Variants in DNAJC13 observed in about 807,000 individuals in gnomAD.
The protein encoded by DNAJC13 is dnaJ homolog subfamily C member 13.
Under a neutral mutation model 290.5 loss-of-function variants are expected in DNAJC13, and 75 were observed. The observed-to-expected ratio is 0.26, with a 90% CI of 0.21 to 0.31. DNAJC13 has a LOEUF of 0.31. Ranked by LOEUF, DNAJC13 falls within the 10% of genes least tolerant of loss-of-function variation. The pLI, the probability that DNAJC13 is intolerant of heterozygous loss-of-function variation, is 1.00. For synonymous variants in DNAJC13, 862 were observed against 892.0 expected (o/e 0.97, Z 0.60); for missense variants, 2,260 against 2,674.5 (o/e 0.85, Z 3.42).
intron 2 of DNAJC13, among the ~76,000 whole-genome samples, chr3:132,435,023 A>C (rs1939342700): frequency 6.6e-6 from 1 of 152,172 alleles, no homozygotes; most frequent in African/African-American, 2.4e-5. Context: ...ATTCTAGTGA[A>C]GTCTAACCTT....
intron 48 of DNAJC13, among the ~76,000 whole-genome samples, chr3:132,517,677 A>G (rs562502978): frequency 6.6e-6 from 1 of 152,054 alleles, no homozygotes; most frequent in Non-Finnish European, 1.5e-5. Context: ...CACTTTGGGT[A>G]AGGAGGAGGC....
At chr3:132,441,369 T>C (rs1251977945) in intron 2 of DNAJC13, among the ~76,000 whole-genome samples, 1 of 152,218 alleles carries the variant, frequency 6.6e-6, no homozygotes. Context: ...CATCAGCCAG[T>C]AGTGAACAAT....
chr3:132,472,369 T>C (rs1170153779), intron 20 of DNAJC13, among the ~76,000 whole-genome samples: 5 of 152,262 alleles, frequency 3.3e-5, no homozygotes, highest in Admixed American at 2.6e-4. Flanking sequence ...CATAGCTTTC[T>C]TTGAATTCTC....
chr3:132,533,452 T>A (rs1936490408), intron 55 of DNAJC13, among the ~76,000 whole-genome samples: 1 of 151,122 alleles, frequency 6.6e-6, no homozygotes, highest in African/African-American at 2.4e-5. Flanking sequence ...TCTCCTGCCT[T>A]AGCCTCACAA....
chr3:132,488,353 A>T lies in DNAJC13; in HGVS notation c.3323A>T (p.His1108Leu). The change falls in exon 30 of 56, where the codon CAT becomes CTT. Residue 1108 changes from histidine to leucine, a missense_variant. This residue lies in a region of DNAJC13 where 1,494 missense variants were observed against 1,693.7 expected (regional missense o/e 0.88). Transcript: ENST00000260818. ...LVEKVAILLY[H>L]IMQDNPQLPR... ...GAGAAGGTTGCTATTTTGTTATACC[A>T]TATCATGCAAGATAACCCACAGTTA... 1 of 1,613,658 alleles carries T rather than the reference A, an allele frequency of 6.2e-7. No homozygotes were observed. The highest frequency in any genetic ancestry group is 8.5e-7 in the Non-Finnish European group (1 of 1,179,784).
At position 132,451,208 on chromosome 3, in the gene DNAJC13, TC is replaced by T. The variant is rs1409813976; in HGVS notation, c.537+364del. On this transcript the variant is annotated intron_variant, in intron 6 of 55. Transcript: ENST00000260818. Reference sequence around the variant, plus strand: ...CTGGCATGGCAGCTCACACCTATAATCCCAGCACTTAGGGAGGCAGAGTTAG... The same window carrying T: ...CTGGCATGGCAGCTCACACCTATAATCCAGCACTTAGGGAGGCAGAGTTAG... Among the ~76,000 whole-genome samples the T allele has an allele frequency of 6.6e-5, 10 of 152,126 alleles. No individual in the cohort carries two copies. The South Asian group carries it at 1.9e-3, about 28-fold the overall frequency.
rs777994688 is a variant in DNAJC13, at chr3:132,466,307, C to T, written c.1977C>T (p.Gly659=). 2 of 1,587,202 alleles carry T rather than the reference C, an allele frequency of 1.3e-6. No homozygotes were observed. The highest frequency in any genetic ancestry group is 2.3e-5 in the South Asian group (2 of 85,850). ...TNLLKRILPP[G]LLAYLESSDL... is the part of the protein sequence containing the mutation. ...GGATTTTGTGTTTTTAGCCGCCAGGCTTGCTGGCATACTTGGAAAGCTCAG... is the reference window on the plus strand; with the variant it reads ...GGATTTTGTGTTTTTAGCCGCCAGGTTTGCTGGCATACTTGGAAAGCTCAG... Residue 659 remains glycine, a synonymous_variant, in exon 19 of 56, where the codon GGC becomes GGT. Coordinates refer to ENST00000260818, the MANE Select transcript of DNAJC13 (RefSeq NM_015268.4).
At chr3:132,451,763 C>T (rs1475440884) in intron 6 of DNAJC13, among the ~76,000 whole-genome samples, 3 of 152,158 alleles carry the variant, frequency 2.0e-5, no homozygotes, top group Non-Finnish European at 2.9e-5. Flanking sequence ...AAGCGTTGAA[C>T]TTTTACATAT....
chr3:132,445,854 CTT>C (rs1933229326), intron 2 of DNAJC13, among the ~76,000 whole-genome samples: 1 of 151,966 alleles, frequency 6.6e-6, no homozygotes, highest in African/African-American at 2.4e-5. Flanking sequence ...ATTCCTTTCT[CTT>C]TTGAAGGATT....
intron 6 of DNAJC13, among the ~76,000 whole-genome samples, chr3:132,452,060 A>G (rs1359961650): frequency 1.3e-5 from 2 of 152,190 alleles, no homozygotes; most frequent in Non-Finnish European, 2.9e-5. Context: ...GTCAGTGGTA[A>G]TTTGGAATGT....
Position 132,492,458 on chromosome 3 carries a change from C to T in DNAJC13, c.3668C>T (p.Thr1223Ile), listed in dbSNP as rs1395971167. The T allele has an allele frequency of 1.9e-6, 3 of 1,613,858 alleles. No individual in the cohort carries two copies. Among genetic ancestry groups the T allele is most frequent in the East Asian group, 2.2e-5 (1 of 44,868 alleles). Residue 1223 changes from threonine to isoleucine, a missense_variant, in exon 33 of 56, where the codon ACA becomes ATA. Transcript: ENST00000260818. ...ATTGCTGCCCATCTCGCGGATTTCACACCTCGTCTTCAGAGTAACACAAGA... is the reference window on the plus strand; with the variant it reads ...ATTGCTGCCCATCTCGCGGATTTCATACCTCGTCTTCAGAGTAACACAAGA... ...EKIAAHLADF[T>I]PRLQSNTRAL...
chr3:132,527,506 G>GAACA (rs1385869285), intron 53 of DNAJC13, among the ~76,000 whole-genome samples: 1 of 152,196 alleles, frequency 6.6e-6, no homozygotes, highest in African/African-American at 2.4e-5. Context: ...GTGTAGGAAA[G>GAACA]AACATGAGCT....
chr3:132,431,686 A>T (rs1184523639), intron 1 of DNAJC13, among the ~76,000 whole-genome samples: 1 of 152,242 alleles, frequency 6.6e-6, no homozygotes, highest in Non-Finnish European at 1.5e-5. Flanking sequence ...AAACTCATAT[A>T]TGCTTGTTCA....
chr3:132,489,616 A>G (rs1408008661), intron 31 of DNAJC13, among the ~76,000 whole-genome samples: 1 of 152,124 alleles, frequency 6.6e-6, no homozygotes, highest in Admixed American at 6.6e-5. Context: ...TTCATGGAGC[A>G]TGGATTTTTT....
In DNAJC13 at chr3:132,492,696, G is replaced by A. The variant is rs138856268; in HGVS notation, c.3825+81G>A. 292 of 1,218,278 alleles carry A rather than the reference G, an allele frequency of 2.4e-4. No individual in the cohort carries two copies. The African/African-American group carries it at 3.8e-3, about 16-fold the overall frequency. 75.5% of individuals were successfully genotyped at this position (1,218,278 alleles called of 1,614,324 possible). On this transcript the variant is annotated intron_variant, in intron 33 of 55. Transcript: ENST00000260818. ...CTTCTGGGTATTTTGTCCTCCTGCA[G>A]TAAGATGGTTAATAGCTTTCTTAAG...
chr3:132,457,717 C>CA (rs1933659356), intron 13 of DNAJC13: 1 of 166,608 alleles, frequency 6.0e-6, no homozygotes, highest in Non-Finnish European at 1.3e-5. Flanking sequence ...CTCACCCAGT[C>CA]TTTCTGGAAG....
At position 132,456,923 on chromosome 3, in the gene DNAJC13, T is replaced by G. The variant is rs1434445200; in HGVS notation, c.1349+91T>G. On this transcript the variant is annotated intron_variant, in intron 12 of 55. Coordinates refer to ENST00000260818, the MANE Select transcript of DNAJC13 (RefSeq NM_015268.4). ...AACGATTCACCTCCTTTTCCTTGACTAAACCAGATACCTTTTATAGGGTGA... is the reference window on the plus strand; with the variant it reads ...AACGATTCACCTCCTTTTCCTTGACGAAACCAGATACCTTTTATAGGGTGA... 28 of 1,360,816 alleles carry G rather than the reference T, an allele frequency of 2.1e-5. No individual in the cohort carries two copies. The East Asian group carries it at 6.3e-4, about 30-fold the overall frequency. 84.3% of individuals were successfully genotyped at this position (1,360,816 alleles called of 1,614,324 possible).
intron 28 of DNAJC13, chr3:132,484,289 A>G: frequency 4.6e-6 from 2 of 431,646 alleles, no homozygotes; most frequent in South Asian, 3.8e-5. Flanking sequence ...GGGGGAAAAT[A>G]CCCACTGACA....
chr3:132,457,523 AAT>A (rs1933651408), intron 13 of DNAJC13, 155 bp downstream of exon 13: 14 of 597,866 alleles, frequency 2.3e-5, no homozygotes, highest in Non-Finnish European at 3.8e-5. Context: ...GCATATCCTA[AAT>A]ACCAGGCAAT....
Sources: gnomAD v4.1 joint callset for allele counts (sites outside exome capture counted in the v4.1 genomes callset) on GRCh38, gnomAD v4.1.1 for gene constraint, gnomAD v4.1.1 regional missense constraint, MANE v1.5 for transcripts, NCBI Gene and HGNC (gene_info 2026-07-23, HGNC 2026-07-21) for gene names.